The following LUZP2 variants were observed in gnomAD, a reference collection of about 807,000 sequenced individuals.
LUZP2 encodes the protein leucine zipper protein 2.
Under a neutral mutation model 51.6 loss-of-function variants are expected in LUZP2, and 52 were observed. The observed-to-expected ratio is 1.01, with a 90% CI of 0.81 to 1.27. The LOEUF is 1.27. Among genes scored for constraint, LUZP2 ranks in the 50% most tolerant of loss-of-function variants. LUZP2 has a pLI of 0.00. For synonymous variants in LUZP2, 154 were observed against 137.3 expected, an observed-to-expected ratio of 1.12 and a Z score of -0.85; for missense variants, 436 against 395.4, an observed-to-expected ratio of 1.10 and a Z score of -0.87.
At chr11:24,796,727 G>T (rs61701248) in intron 5 of LUZP2, among the ~76,000 whole-genome samples, 1 of 151,966 alleles carries the variant, frequency 6.6e-6, no homozygotes, top group Non-Finnish European at 1.5e-5. Context: ...CATATAATAC[G>T]TTTTTAAGTG....
intron 9 of LUZP2, among the ~76,000 whole-genome samples, chr11:24,985,745 A>T (rs575161363): frequency 9.2e-5 from 14 of 151,814 alleles, no homozygotes; most frequent in African/African-American, 3.1e-4. Context: ...CTAACCTGCT[A>T]TGTTTTGGGT....
chr11:24,741,549 T>C (rs1859142979), intron 4 of LUZP2, among the ~76,000 whole-genome samples: 1 of 151,674 alleles, frequency 6.6e-6, no homozygotes, highest in Admixed American at 6.6e-5. Context: ...TTTGTAGTCT[T>C]TTATACCTTG....
chr11:24,568,523 C>T (rs1238506597), intron 1 of LUZP2, among the ~76,000 whole-genome samples: 1 of 151,308 alleles, frequency 6.6e-6, no homozygotes, highest in Non-Finnish European at 1.5e-5. Flanking sequence ...AAAACAGAGC[C>T]CTAAAATTTA....
At chr11:24,962,966 G>A (rs1161446758) in intron 7 of LUZP2, among the ~76,000 whole-genome samples, 1 of 152,178 alleles carries the variant, frequency 6.6e-6, no homozygotes, top group Non-Finnish European at 1.5e-5. Flanking sequence ...CTGTTTGTTA[G>A]TTTTCCTTCT....
At chr11:24,675,946 G>A (rs933417518) in intron 1 of LUZP2, among the ~76,000 whole-genome samples, 1 of 151,940 alleles carries the variant, frequency 6.6e-6, no homozygotes, top group African/African-American at 2.4e-5. Context: ...AGCTTCCTGA[G>A]CATCTGGGAT....
chr11:24,779,933 A>T (rs1849039075), intron 5 of LUZP2, among the ~76,000 whole-genome samples: 1 of 152,142 alleles, frequency 6.6e-6, no homozygotes, highest in Admixed American at 6.6e-5. Context: ...CTGAAATCCA[A>T]GGAATTACAA....
chr11:24,758,802 C>T (rs34582607), intron 4 of LUZP2, among the ~76,000 whole-genome samples: 17,095 of 151,852 alleles, frequency 0.11, 1,085 homozygotes, highest in African/African-American at 0.14. Flanking sequence ...TGTTTATGCA[C>T]ATATGGTGCA....
chr11:24,857,492 T>C (rs2134237607), intron 5 of LUZP2, among the ~76,000 whole-genome samples: 1 of 151,788 alleles, frequency 6.6e-6, no homozygotes, highest in African/African-American at 2.4e-5. Context: ...AATATTTTAG[T>C]CTCTTTAACC....
intron 5 of LUZP2, among the ~76,000 whole-genome samples, chr11:24,888,192 G>A (rs961029987): frequency 6.6e-6 from 1 of 152,070 alleles, no homozygotes; most frequent in Non-Finnish European, 1.5e-5. Context: ...CACAAGAACT[G>A]TATTCCTGTC....
chr11:24,754,921 G>A (rs1859716525), intron 4 of LUZP2, among the ~76,000 whole-genome samples: 1 of 152,238 alleles, frequency 6.6e-6, no homozygotes, highest in South Asian at 2.1e-4. Context: ...CGAGGTGGGT[G>A]GATCGCCTGA....
At chr11:24,581,197 CAA>C (rs74259786) in intron 1 of LUZP2, among the ~76,000 whole-genome samples, 19 of 70,190 alleles carry the variant, frequency 2.7e-4, no homozygotes, top group South Asian at 4.2e-4. Context: ...TTTCACTGGC[CAA>C]AAAAAAAAAA....
At chr11:24,526,268 A>AAC (rs1382096781) in intron 1 of LUZP2, among the ~76,000 whole-genome samples, 2 of 148,802 alleles carry the variant, frequency 1.3e-5, no homozygotes, top group African/African-American at 4.9e-5. Context: ...TAGGGGGCAA[A>AAC]AAAAAAAAAA....
rs766785416 is a variant in LUZP2, at chr11:24,729,153, G to A, written c.63-16G>A. On this transcript the variant is annotated splice_polypyrimidine_tract_variant and intron_variant, in intron 1 of 11. Coordinates refer to ENST00000336930, the MANE Select transcript of LUZP2 (RefSeq NM_001009909.4). ...AACCATTTGGGGGGCTCTCATGCCT[G>A]TTCTTTCTGTGTTAGACAGGACTAT... is the stretch of plus-strand genomic sequence containing the variant. The A allele has an allele frequency of 1.4e-6, 2 of 1,424,640 alleles. No homozygotes were observed. The highest frequency in any genetic ancestry group is 2.1e-5 in the Admixed American group (1 of 48,006). The allele number at this position is 1,424,640 out of a possible 1,614,324, so 88.2% of individuals were successfully genotyped here.
intron 1 of LUZP2, among the ~76,000 whole-genome samples, chr11:24,568,774 CTA>C (rs1852331422): frequency 6.6e-6 from 1 of 151,720 alleles, no homozygotes. Context: ...AAATTTAAAC[CTA>C]TATAAATTCA....
chr11:25,023,787 C>T (rs569624233), intron 9 of LUZP2, among the ~76,000 whole-genome samples: 1 of 152,186 alleles, frequency 6.6e-6, no homozygotes, highest in East Asian at 1.9e-4. Flanking sequence ...ATACATTGCC[C>T]TCTACACACT....
intron 5 of LUZP2, among the ~76,000 whole-genome samples, chr11:24,800,966 C>G (rs547970927): frequency 6.6e-6 from 1 of 152,182 alleles, no homozygotes; most frequent in African/African-American, 2.4e-5. Context: ...TAATTTGTAG[C>G]AAAAATTCCG....
chr11:24,969,403 A>C (rs145152131), intron 7 of LUZP2, among the ~76,000 whole-genome samples: 40 of 152,268 alleles, frequency 2.6e-4, no homozygotes, highest in African/African-American at 8.7e-4. Context: ...CATTGATTTC[A>C]GGCATGGTTT....
At chr11:24,650,362 TA>T (rs1202689870) in intron 1 of LUZP2, among the ~76,000 whole-genome samples, 1 of 151,814 alleles carries the variant, frequency 6.6e-6, no homozygotes, top group Non-Finnish European at 1.5e-5. Flanking sequence ...TTACATTTCT[TA>T]TAATTTTGGG....
chr11:24,627,836 AT>A (rs1359391604), intron 1 of LUZP2, among the ~76,000 whole-genome samples: 1 of 152,190 alleles, frequency 6.6e-6, no homozygotes, highest in Non-Finnish European at 1.5e-5. Context: ...TATTCAGAGC[AT>A]TCCCTCCAGC....
Sources: allele counts gnomAD v4.1 joint callset (sites outside exome capture counted in the v4.1 genomes callset), GRCh38; gene constraint gnomAD v4.1.1; transcripts MANE v1.5; gene names NCBI Gene and HGNC (gene_info 2026-07-23, HGNC 2026-07-21).